Variants in TSPAN5 observed in about 807,000 individuals in gnomAD.
TSPAN5 encodes the protein tetraspanin-5.
Under a neutral mutation model 37.1 loss-of-function variants are expected in TSPAN5, and 10 were observed. The ratio of observed to expected loss-of-function variants is 0.27; its 90% CI spans 0.17 to 0.46. TSPAN5 has a LOEUF of 0.46. Among genes scored for constraint, TSPAN5 ranks in the 20% least tolerant of loss-of-function variants. The pLI is 1.00. For missense variants in TSPAN5, 195 were observed against 326.6 expected (o/e 0.60, Z 3.11); for synonymous variants, 110 against 118.9 (o/e 0.93, Z 0.48).
intron 1 of TSPAN5, among the ~76,000 whole-genome samples, chr4:98,605,490 A>T (rs1195435999): frequency 6.6e-6 from 1 of 152,170 alleles, no homozygotes; most frequent in Non-Finnish European, 1.5e-5. Flanking sequence ...GTCACTACTC[A>T]CTGTGACCTC....
At chr4:98,500,995 C>T (rs1017788055) in intron 2 of TSPAN5, among the ~76,000 whole-genome samples, 1 of 152,162 alleles carries the variant, frequency 6.6e-6, no homozygotes, top group Non-Finnish European at 1.5e-5. Flanking sequence ...CTGAGTCCTC[C>T]CTCGCCCCAA....
At chr4:98,554,448 C>T (rs1233703411) in intron 1 of TSPAN5, among the ~76,000 whole-genome samples, 1 of 152,206 alleles carries the variant, frequency 6.6e-6, no homozygotes, top group Non-Finnish European at 1.5e-5. Context: ...GTTCTCATTT[C>T]ACATTACAAA....
At chr4:98,478,877 C>T (rs547188070) in intron 4 of TSPAN5, 67 bp from the exon 5 acceptor site, 65 of 1,579,174 alleles carry the variant, frequency 4.1e-5, no homozygotes, top group Non-Finnish European at 4.9e-5. Context: ...CACTCACACC[C>T]GCCGAACGAC....
At chr4:98,536,829 C>T (rs751484616) in intron 1 of TSPAN5, among the ~76,000 whole-genome samples, 11 of 152,188 alleles carry the variant, frequency 7.2e-5, no homozygotes, top group Non-Finnish European at 1.3e-4. Context: ...TCAGCAATGG[C>T]GGACGCCCCT....
At chr4:98,579,921 C>A (rs1333447635) in intron 1 of TSPAN5, among the ~76,000 whole-genome samples, 2 of 152,094 alleles carry the variant, frequency 1.3e-5, no homozygotes, top group Non-Finnish European at 2.9e-5. Context: ...TTTTTTAAAA[C>A]CCTATATACC....
intron 1 of TSPAN5, among the ~76,000 whole-genome samples, chr4:98,562,755 T>G (rs1204325900): frequency 6.6e-6 from 1 of 152,096 alleles, no homozygotes; most frequent in Non-Finnish European, 1.5e-5. Context: ...GATACATACA[T>G]GTGTATGTGT....
chr4:98,531,712 C>T (rs1754095046), intron 1 of TSPAN5, among the ~76,000 whole-genome samples: 1 of 152,186 alleles, frequency 6.6e-6, no homozygotes, highest in Non-Finnish European at 1.5e-5. Context: ...TTCTCCACAT[C>T]CTCTCCAGCA....
intron 5 of TSPAN5, among the ~76,000 whole-genome samples, chr4:98,477,026 C>T (rs73832317): frequency 9.9e-5 from 15 of 152,144 alleles, no homozygotes; most frequent in Admixed American, 2.0e-4. Flanking sequence ...TCCTTCTCTG[C>T]GGGGTGTGGG....
chr4:98,602,385 C>T (rs1284433351), intron 1 of TSPAN5, among the ~76,000 whole-genome samples: 2 of 152,200 alleles, frequency 1.3e-5, no homozygotes. Flanking sequence ...ATGTCTGATA[C>T]GATCACTATT....
intron 1 of TSPAN5, among the ~76,000 whole-genome samples, chr4:98,647,971 C>T (rs1258665091): frequency 2.0e-5 from 3 of 151,816 alleles, no homozygotes; most frequent in Admixed American, 2.0e-4. Flanking sequence ...TTTAGGAACC[C>T]AGCCGTAATC....
At chr4:98,602,414 C>T (rs533683619) in intron 1 of TSPAN5, among the ~76,000 whole-genome samples, 1 of 152,176 alleles carries the variant, frequency 6.6e-6, no homozygotes, top group Non-Finnish European at 1.5e-5. Context: ...AAGGAGGAAG[C>T]CTGTGGTATA....
At chr4:98,620,781 A>G (rs1756463356) in intron 1 of TSPAN5, among the ~76,000 whole-genome samples, 2 of 152,206 alleles carry the variant, frequency 1.3e-5, no homozygotes, top group African/African-American at 4.8e-5. Context: ...AAAAAGGCTG[A>G]CAAGGTAGGC....
intron 1 of TSPAN5, among the ~76,000 whole-genome samples, chr4:98,540,121 T>C (rs962823224): frequency 6.6e-6 from 1 of 152,226 alleles, no homozygotes; most frequent in Non-Finnish European, 1.5e-5. Flanking sequence ...CTATGGGAGA[T>C]AAAAGTTTGT....
intron 1 of TSPAN5, among the ~76,000 whole-genome samples, chr4:98,557,452 A>G (rs908608418): frequency 7.2e-5 from 11 of 152,350 alleles, no homozygotes; most frequent in African/African-American, 2.6e-4. Flanking sequence ...TCCCTTAGGT[A>G]GAATAAAATG....
chr4:98,562,468 C>A (rs1326584705), intron 1 of TSPAN5, among the ~76,000 whole-genome samples: 1 of 152,120 alleles, frequency 6.6e-6, no homozygotes, highest in East Asian at 1.9e-4. Flanking sequence ...CAAGACCATC[C>A]TGTACAACAT....
At chr4:98,475,341 A>C (rs1426373188) in intron 7 of TSPAN5, among the ~76,000 whole-genome samples, 7 of 152,188 alleles carry the variant, frequency 4.6e-5, no homozygotes, top group Non-Finnish European at 8.8e-5. Flanking sequence ...AATTTGTTTC[A>C]ACTATGTGCT....
At chr4:98,656,840 C>CA (rs1266613353) in intron 1 of TSPAN5, among the ~76,000 whole-genome samples, 1 of 151,750 alleles carries the variant, frequency 6.6e-6, no homozygotes, top group South Asian at 2.1e-4. Context: ...GAGTGCGGTA[C>CA]AAAAAAAGAA....
chr4:98,637,459 T>C (rs373623776), intron 1 of TSPAN5, among the ~76,000 whole-genome samples: 51 of 152,342 alleles, frequency 3.3e-4, no homozygotes, highest in South Asian at 6.2e-4. Context: ...AATTTTCACA[T>C]ATTATTAAAT....
chr4:98,553,090 T>A (rs942456544), intron 1 of TSPAN5, among the ~76,000 whole-genome samples: 9 of 152,244 alleles, frequency 5.9e-5, no homozygotes, highest in Non-Finnish European at 1.2e-4. Context: ...AGTCACACAT[T>A]TTCAAAATTT....
Sources: allele counts gnomAD v4.1 joint callset (sites outside exome capture counted in the v4.1 genomes callset), GRCh38; gene constraint gnomAD v4.1.1; transcripts MANE v1.5; gene names NCBI Gene and HGNC (gene_info 2026-07-23, HGNC 2026-07-21).